TRAM2: variants seen among roughly 807,000 people sequenced by gnomAD.
TRAM2 encodes translocation associated membrane protein 2.
A neutral mutation model predicts 51.0 loss-of-function variants in TRAM2; 12 were observed. The ratio of observed to expected loss-of-function variants is 0.24; its 90% CI spans 0.15 to 0.38. The LOEUF (loss-of-function observed/expected upper bound fraction) is 0.38, where lower values mean the gene tolerates loss of function less well. Ranked by LOEUF, TRAM2 falls within the 10% of genes least tolerant of loss-of-function variation. TRAM2 has a pLI of 1.00. For missense variants in TRAM2, 361 were observed against 462.0 expected (o/e 0.78, Z 2.00); for synonymous variants, 175 against 179.4 (o/e 0.98, Z 0.20).
intron 1 of TRAM2, among the ~76,000 whole-genome samples, chr6:52,539,277 CA>C (rs1212295480): frequency 1.3e-5 from 2 of 152,202 alleles, no homozygotes; most frequent in African/African-American, 4.8e-5. Context: ...GAACTGGAGG[CA>C]GAGTGTCGCC....
chr6:52,528,741 C>G (rs1766828155), intron 2 of TRAM2, among the ~76,000 whole-genome samples: 1 of 152,154 alleles, frequency 6.6e-6, no homozygotes, highest in Non-Finnish European at 1.5e-5. Context: ...TTCTTGTTAC[C>G]TTTGATCACT....
intron 1 of TRAM2, among the ~76,000 whole-genome samples, chr6:52,571,879 G>T (rs772569202): frequency 3.3e-5 from 5 of 152,222 alleles, no homozygotes; most frequent in Admixed American, 6.5e-5. Flanking sequence ...TACTTGTTGA[G>T]ACCATTAAGT....
intron 2 of TRAM2, among the ~76,000 whole-genome samples, chr6:52,526,561 G>A (rs962960366): frequency 1.3e-5 from 2 of 151,778 alleles, no homozygotes; most frequent in Non-Finnish European, 2.9e-5. Flanking sequence ...TAATTTTTTT[G>A]CATTTTTAAT....
At chr6:52,543,764 G>A (rs776154128) in intron 1 of TRAM2, among the ~76,000 whole-genome samples, 1 of 152,216 alleles carries the variant, frequency 6.6e-6, no homozygotes, top group Non-Finnish European at 1.5e-5. Flanking sequence ...GCGACATCCT[G>A]TCTGTCACTA....
At chr6:52,555,537 T>C (rs752861918) in intron 1 of TRAM2, among the ~76,000 whole-genome samples, 1 of 152,124 alleles carries the variant, frequency 6.6e-6, no homozygotes, top group Admixed American at 6.5e-5. Context: ...TATTTTTCTA[T>C]AAAAATAAAA....
chr6:52,565,535 C>T (rs1767576039), intron 1 of TRAM2, among the ~76,000 whole-genome samples: 1 of 152,020 alleles, frequency 6.6e-6, no homozygotes, highest in Non-Finnish European at 1.5e-5. Context: ...CACCAACAGG[C>T]CTTGGTAAGA....
At chr6:52,514,627 T>C (rs1157064963) in intron 4 of TRAM2, among the ~76,000 whole-genome samples, 6 of 152,266 alleles carry the variant, frequency 3.9e-5, no homozygotes, top group African/African-American at 1.4e-4. Flanking sequence ...AACTTGGCTC[T>C]AGCCTCCAAA....
chr6:52,575,983 C>T (rs1239860493), intron 1 of TRAM2, among the ~76,000 whole-genome samples: 1 of 152,202 alleles, frequency 6.6e-6, no homozygotes, highest in East Asian at 1.9e-4. Context: ...CAACTCCCTG[C>T]CTGGGAGGCC....
intron 3 of TRAM2, 148 bp downstream of exon 3, chr6:52,516,480 G>A (rs1766551604): frequency 4.5e-6 from 3 of 662,458 alleles, no homozygotes; most frequent in Admixed American, 5.1e-5. Flanking sequence ...ACCAAAGTGT[G>A]GTGAAGGAAG....
intron 1 of TRAM2, among the ~76,000 whole-genome samples, chr6:52,567,629 C>T (rs992357481): frequency 3.3e-5 from 5 of 152,342 alleles, no homozygotes; most frequent in East Asian, 1.9e-4. Flanking sequence ...GAAATTTCTG[C>T]GGATGAATCA....
At chr6:52,543,986 T>C (rs1767150860) in intron 1 of TRAM2, among the ~76,000 whole-genome samples, 1 of 152,190 alleles carries the variant, frequency 6.6e-6, no homozygotes, top group Non-Finnish European at 1.5e-5. Context: ...GCTGCAACCA[T>C]TTCAAATTAT....
rs1010491529 is a variant in TRAM2, at chr6:52,535,806, T to C, written c.161A>G (p.Tyr54Cys). The C allele has an allele frequency of 4.3e-6, 7 of 1,613,934 alleles. No homozygotes were observed. The highest frequency in any genetic ancestry group is 5.9e-6 in the Non-Finnish European group (7 of 1,179,934). Residue 54 changes from tyrosine to cysteine, a missense_variant, in exon 2 of 11, where the codon TAT becomes TGT. Transcript: ENST00000182527. The stretch of plus-strand genomic sequence containing the variant: ...ACCTGCTGTAGGCACGCTAATGTTA[T>C]ACTGAGGTAAAATAAATAGAAAGGC... ...KTAFLFILPQYNISVPTADSE... is the reference protein window; with the variant it reads ...KTAFLFILPQCNISVPTADSE...
intron 1 of TRAM2, among the ~76,000 whole-genome samples, chr6:52,556,747 G>A (rs1767413303): frequency 6.6e-6 from 1 of 151,984 alleles, no homozygotes; most frequent in South Asian, 2.1e-4. Context: ...GGCCAACATG[G>A]CAAAACCCCA....
At position 52,505,591 on chromosome 6, in the gene TRAM2, C is replaced by T. The variant is rs375202327; in HGVS notation, c.875+8G>A. On this transcript the variant is annotated splice_region_variant and intron_variant, in intron 9 of 10. Coordinates refer to ENST00000182527, the MANE Select transcript of TRAM2 (RefSeq NM_012288.4). Reference sequence around the variant, plus strand: ...TGGCTTATCACCTTGGACTTCTGCTCGACTCACCTGCAAAACAAAGTGTTG... The same window carrying T: ...TGGCTTATCACCTTGGACTTCTGCTTGACTCACCTGCAAAACAAAGTGTTG... 7.0e-5 allele frequency: 112 copies of T among 1,603,402 alleles called. No individual in the cohort carries two copies. The highest frequency in any genetic ancestry group is 8.7e-5 in the Non-Finnish European group (102 of 1,173,246).
In TRAM2 at chr6:52,502,459, A is replaced by T. The variant is rs900733537; in HGVS notation, c.*738T>A. 1 of 152,226 alleles carries T rather than the reference A, an allele frequency of 6.6e-6. No individual in the cohort carries two copies. Among genetic ancestry groups the T allele is most frequent in the Non-Finnish European group, 1.5e-5 (1 of 68,068 alleles). 9.4% of individuals were successfully genotyped at this position (152,226 alleles called of 1,614,324 possible). A position where few individuals can be genotyped will look rare whatever the true frequency, so the allele number is the denominator to read the frequency against. ...GACGTGTCCCCCCCCACAGAGCGAC[A>T]GCAGGCTGGCTTCCAATCCGCGGCC... is the stretch of plus-strand genomic sequence containing the variant. On this transcript the variant is annotated 3_prime_UTR_variant, in exon 11 of 11. Transcript: ENST00000182527.
intron 2 of TRAM2, among the ~76,000 whole-genome samples, chr6:52,525,411 G>A (rs1295199886): frequency 1.3e-5 from 2 of 152,200 alleles, no homozygotes; most frequent in Non-Finnish European, 2.9e-5. Context: ...CCTAGAAGAT[G>A]TGACCAGTGG....
chr6:52,574,299 G>A (rs368385398), intron 1 of TRAM2, among the ~76,000 whole-genome samples: 2 of 152,114 alleles, frequency 1.3e-5, no homozygotes, highest in African/African-American at 2.4e-5. Flanking sequence ...TATCCAGGAC[G>A]CTTCTGCTCT....
intron 4 of TRAM2, 117 bp from the exon 5 acceptor site, chr6:52,509,703 G>T (rs1766419558): frequency 1.2e-5 from 10 of 860,066 alleles, no homozygotes; most frequent in Non-Finnish European, 1.8e-5. Flanking sequence ...AAAGAGGAAG[G>T]AACAGGAAAT....
intron 10 of TRAM2, 51 bp from the exon 11 acceptor site, chr6:52,503,321 G>T: frequency 6.4e-7 from 1 of 1,550,420 alleles, no homozygotes. Flanking sequence ...TGGAGCTAAG[G>T]CAGAAGAGGG....
Sources: allele counts gnomAD v4.1 joint callset (sites outside exome capture counted in the v4.1 genomes callset), GRCh38; gene constraint gnomAD v4.1.1; transcripts MANE v1.5; gene names NCBI Gene and HGNC (gene_info 2026-07-23, HGNC 2026-07-21).